Variants in CHCHD4 observed in about 807,000 individuals in gnomAD.
CHCHD4 encodes coiled-coil-helix-coiled-coil-helix domain containing 4.
In CHCHD4, 7 loss-of-function variants were observed where a neutral mutation model predicts 12.4. The observed-to-expected ratio is 0.57, with a 90% CI of 0.32 to 1.06. The LOEUF (loss-of-function observed/expected upper bound fraction) is 1.06. Ranked by LOEUF, CHCHD4 falls within the 50% of genes least tolerant of loss-of-function variation. The probability of loss-of-function intolerance (pLI) is 0.04; values close to 1 mark genes in which losing one functional copy is unlikely to be tolerated. For synonymous variants in CHCHD4, 56 were observed against 58.0 expected (o/e 0.97, Z 0.16); for missense variants, 143 against 175.1 (o/e 0.82, Z 1.03).
chr3:14,122,207 C>T (rs1694942911), intron 1 of CHCHD4: 4 of 1,343,022 alleles, frequency 3.0e-6, no homozygotes, highest in African/African-American at 1.5e-5. Context: ...CCTTCTCAGA[C>T]CCCATAGAGC....
chr3:14,119,509 T>TAACTGTGA (rs1337860716), intron 1 of CHCHD4, among the ~76,000 whole-genome samples: 1 of 152,194 alleles, frequency 6.6e-6, no homozygotes, highest in African/African-American at 2.4e-5. Flanking sequence ...CTAACAGACC[T>TAACTGTGA]AACTGTGAAA....
intron 1 of CHCHD4, among the ~76,000 whole-genome samples, chr3:14,121,550 A>G (rs1694934614): frequency 6.6e-6 from 1 of 152,202 alleles, no homozygotes; most frequent in Non-Finnish European, 1.5e-5. Flanking sequence ...ATTGTCTCCC[A>G]TGGATGCTGA....
chr3:14,124,723 G>C lies in CHCHD4; in HGVS notation c.-47C>G, dbSNP rs1694988532. The C allele has an allele frequency of 3.3e-6, 5 of 1,512,422 alleles. No homozygotes were observed. The highest frequency in any genetic ancestry group is 4.4e-6 in the Non-Finnish European group (5 of 1,131,790). The allele number at this position is 1,512,422 out of a possible 1,614,324, so 93.7% of individuals were successfully genotyped here. A position where few individuals can be genotyped will look rare whatever the true frequency, so the allele number is the denominator to read the frequency against. On this transcript the variant is annotated 5_prime_UTR_variant, in exon 1 of 3. Transcript: ENST00000396914. ...CCTTGCAGAAGCGGCGGTGGCGGCAGCTGCACCTTTACGCCGTGACCTCCC... is the reference window on the plus strand; with the variant it reads ...CCTTGCAGAAGCGGCGGTGGCGGCACCTGCACCTTTACGCCGTGACCTCCC...
At chr3:14,121,060 C>G (rs896242494) in intron 1 of CHCHD4, among the ~76,000 whole-genome samples, 2 of 152,172 alleles carry the variant, frequency 1.3e-5, no homozygotes, top group Non-Finnish European at 2.9e-5. Flanking sequence ...GCATATCCCC[C>G]CAAGACTGCT....
At chr3:14,124,506 C>G (rs556344908) in intron 1 of CHCHD4, 149 bp downstream of exon 1, 1 of 576,570 alleles carries the variant, frequency 1.7e-6, no homozygotes, top group South Asian at 2.9e-5. Context: ...GTAGCGACCC[C>G]CCAGCCGGCC....
Position 14,124,728 on chromosome 3 carries a change from A to C in CHCHD4, c.-52T>G, listed in dbSNP as rs1248241955. The C allele has an allele frequency of 2.7e-6, 4 of 1,503,806 alleles. No individual in the cohort carries two copies. The Admixed American group carries it at 9.1e-5, about 34-fold the overall frequency. The allele number at this position is 1,503,806 out of a possible 1,614,324, so 93.2% of individuals were successfully genotyped here. ...CAGAAGCGGCGGTGGCGGCAGCTGC[A>C]CCTTTACGCCGTGACCTCCCTCTCC... On this transcript the variant is annotated 5_prime_UTR_variant, in exon 1 of 3. Coordinates refer to ENST00000396914, the MANE Select transcript of CHCHD4 (RefSeq NM_001098502.2).
intron 1 of CHCHD4, chr3:14,121,870 C>CA: frequency 6.2e-7 from 1 of 1,613,962 alleles, no homozygotes; most frequent in Non-Finnish European, 8.5e-7. Flanking sequence ...GGCTTTCAGA[C>CA]AGAGTGTTAA....
At chr3:14,116,874 C>T (rs1694882041) in intron 1 of CHCHD4, among the ~76,000 whole-genome samples, 1 of 152,210 alleles carries the variant, frequency 6.6e-6, no homozygotes, top group Non-Finnish European at 1.5e-5. Flanking sequence ...GATGCGGCCA[C>T]AGGCCCCTGC....
chr3:14,121,770 C>T (rs1443932749), intron 1 of CHCHD4: 1 of 1,407,764 alleles, frequency 7.1e-7, no homozygotes, highest in East Asian at 2.5e-5. Flanking sequence ...ATAAATCTGA[C>T]TGCTAAGGAC....
chr3:14,122,216 G>C, intron 1 of CHCHD4: 1 of 1,288,602 alleles, frequency 7.8e-7, no homozygotes, highest in South Asian at 1.5e-5. Context: ...ACCCCATAGA[G>C]CCTTTCACTA....
chr3:14,116,983 C>A (rs1159894677), intron 1 of CHCHD4, among the ~76,000 whole-genome samples: 1 of 152,228 alleles, frequency 6.6e-6, no homozygotes, highest in Non-Finnish European at 1.5e-5. Flanking sequence ...AAGGAAGGGT[C>A]ATAAGGTGAG....
chr3:14,124,627 G>T, intron 1 of CHCHD4, 28 bp downstream of exon 1: 1 of 1,503,752 alleles, frequency 6.7e-7, no homozygotes. Context: ...CTCGTAGGCC[G>T]GTCTCCGTGG....
At position 14,124,811 on chromosome 3, in the gene CHCHD4, C is replaced by A. The variant is rs1694990800; in HGVS notation, c.-135G>T. The A allele has an allele frequency of 9.2e-7, 1 of 1,081,868 alleles. No homozygotes were observed. The highest frequency in any genetic ancestry group is 1.3e-6 in the Non-Finnish European group (1 of 774,824). 67.0% of individuals were successfully genotyped at this position (1,081,868 alleles called of 1,614,324 possible). ...GGACCCGCCCCCTCCCAGGCCTGCC[C>A]GCCGCGCGCCTGCCTCGGCGCCCTC... On this transcript the variant is annotated 5_prime_UTR_variant, in exon 1 of 3. Transcript: ENST00000396914.
chr3:14,113,896 ACTTTTATAC>A (rs1694848447), intron 2 of CHCHD4, among the ~76,000 whole-genome samples: 13 of 152,156 alleles, frequency 8.5e-5, no homozygotes, highest in African/African-American at 2.7e-4. Flanking sequence ...CTTACTTTTG[ACTTTTATAC>A]CTTTTCTTAT....
chr3:14,123,272 A>G (rs914116497), intron 1 of CHCHD4, among the ~76,000 whole-genome samples: 14 of 152,314 alleles, frequency 9.2e-5, no homozygotes, highest in African/African-American at 3.4e-4. Context: ...GGTCTTGTTT[A>G]TCAGCACAGC....
At chr3:14,118,543 A>G (rs891385595) in intron 1 of CHCHD4, among the ~76,000 whole-genome samples, 1 of 152,246 alleles carries the variant, frequency 6.6e-6, no homozygotes, top group African/African-American at 2.4e-5. Flanking sequence ...CACACTGCAC[A>G]GGGTCTCTTA....
intron 1 of CHCHD4, among the ~76,000 whole-genome samples, chr3:14,118,069 G>C (rs2124976624): frequency 6.6e-6 from 1 of 152,332 alleles, no homozygotes; most frequent in Middle Eastern, 3.4e-3. Flanking sequence ...GTACTTTCCT[G>C]GTGAAGGTGA....
intron 1 of CHCHD4, 117 bp downstream of exon 1, chr3:14,124,538 G>T: frequency 2.4e-6 from 2 of 842,932 alleles, no homozygotes; most frequent in South Asian, 2.2e-5. Context: ...GTCCCAGGGT[G>T]GGCACCTGGG....
chr3:14,118,264 G>A (rs1018430099), intron 1 of CHCHD4, among the ~76,000 whole-genome samples: 1 of 152,264 alleles, frequency 6.6e-6, no homozygotes, highest in Non-Finnish European at 1.5e-5. Flanking sequence ...TGTGGGCGCA[G>A]AGGCCGGACC....
Sources: gnomAD v4.1 joint callset for allele counts (sites outside exome capture counted in the v4.1 genomes callset) on GRCh38, gnomAD v4.1.1 for gene constraint, MANE v1.5 for transcripts, NCBI Gene and HGNC (gene_info 2026-07-23, HGNC 2026-07-21) for gene names.